The following IFNAR2 variants were observed in gnomAD, a reference collection of about 807,000 sequenced individuals.
IFNAR2 encodes interferon alpha and beta receptor subunit 2.
A neutral mutation model predicts 49.4 loss-of-function variants in IFNAR2; 30 were observed. That is an observed-to-expected ratio of 0.61 (90% CI 0.45 to 0.82). IFNAR2 has a LOEUF of 0.82. Ranked by LOEUF, IFNAR2 falls within the 40% of genes least tolerant of loss-of-function variation. The pLI is 0.00. For missense variants in IFNAR2, 600 were observed against 622.7 expected, an observed-to-expected ratio of 0.96 and a Z score of 0.39; for synonymous variants, 224 against 234.5, an observed-to-expected ratio of 0.96 and a Z score of 0.41.
chr21:33,265,588 T>TG lies in IFNAR2; in HGVS notation c.*2088_*2089insG. 2.0e-5 allele frequency: 4 copies of TG among 197,736 alleles called. No homozygotes were observed. Among genetic ancestry groups the TG allele is most frequent in the Non-Finnish European group, 3.2e-5 (3 of 93,024 alleles). The allele number at this position is 197,736 out of a possible 1,614,324, so 12.2% of individuals were successfully genotyped here. On this transcript the variant is annotated 3_prime_UTR_variant, in exon 9 of 9. Transcript: ENST00000342136. ...CTATGGCTGTGAGTGTGTGTGTGTG[T>TG]TTGTGTATTTTTTAACATTTTGTAT...
chr21:33,251,395 A>T (rs1987825769), intron 6 of IFNAR2: 1 of 188,876 alleles, frequency 5.3e-6, no homozygotes, highest in East Asian at 1.9e-4. Flanking sequence ...AGTAGTTTTA[A>T]TAGAGTTAGG....
chr21:33,237,078 G>GATGTATGTGT (rs3223272), intron 1 of IFNAR2, among the ~76,000 whole-genome samples: 11 of 147,590 alleles, frequency 7.5e-5, no homozygotes, highest in African/African-American at 2.8e-4. Context: ...GGGAGAATGG[G>GATGTATGTGT]GTGTGTGTGT....
chr21:33,248,824 T>G lies in IFNAR2; in HGVS notation c.510T>G (p.Ile170Met). 3 of 1,607,818 alleles carry G rather than the reference T, an allele frequency of 1.9e-6. No individual in the cohort carries two copies. The highest frequency in any genetic ancestry group is 2.5e-6 in the Non-Finnish European group (3 of 1,177,584). ...TACAGTTTGATTTATCTCTCGTCAT[T>G]GAAGAACAGTCAGAGGGAATTGTTA... ...EELQFDLSLV[I>M]EEQSEGIVKK... The change falls in exon 6 of 9, where the codon ATT (isoleucine) becomes ATG (methionine). Residue 170 changes from isoleucine to methionine, a missense_variant. By Grantham distance (10) the Ile-to-Met change is conservative. Coordinates refer to ENST00000342136, the MANE Select transcript of IFNAR2 (RefSeq NM_001289125.3).
chr21:33,234,209 G>GTGTGTGTT (rs1446030724), intron 1 of IFNAR2, among the ~76,000 whole-genome samples: 9 of 151,612 alleles, frequency 5.9e-5, no homozygotes, highest in Non-Finnish European at 1.0e-4. Context: ...GTGTGTGTGT[G>GTGTGTGTT]TGTGTGTGTG....
In IFNAR2 at chr21:33,230,976, CT is replaced by C. The variant is rs1225141106; in HGVS notation, c.-84+761del. On this transcript the variant is annotated intron_variant, in intron 1 of 8. Transcript: ENST00000342136. The surrounding 1 kb of genome is among the most constrained non-coding windows in gnomAD (Gnocchi z 5.5). ...TTGGTTAGCGATGGTTATATTGACT[CT>C]GAGTATTCCCACCTCCTTTCTTTTA... 6.6e-6 allele frequency among the ~76,000 whole-genome samples: 1 copy of C among 151,926 alleles called. No homozygotes were observed. The highest frequency in any genetic ancestry group is 1.5e-5 in the Non-Finnish European group (1 of 68,024).
intron 2 of IFNAR2, 22 bp from the exon 3 acceptor site, chr21:33,243,651 T>C (rs1480325150): frequency 2.4e-5 from 39 of 1,605,124 alleles, no homozygotes; most frequent in Non-Finnish European, 3.2e-5. Context: ...ATTGCCTCTC[T>C]AATGTGTTTT....
At chr21:33,233,636 A>G (rs968306498) in intron 1 of IFNAR2, among the ~76,000 whole-genome samples, 3 of 152,216 alleles carry the variant, frequency 2.0e-5, no homozygotes, top group African/African-American at 7.2e-5. Flanking sequence ...TTCCAAGGGA[A>G]AGAAACTTTT....
At chr21:33,231,465 T>G (rs1440105974) in intron 1 of IFNAR2, among the ~76,000 whole-genome samples, 1 of 152,160 alleles carries the variant, frequency 6.6e-6, no homozygotes, top group East Asian at 1.9e-4. Flanking sequence ...TATTGAAAAG[T>G]TAAAGAAAAT....
chr21:33,245,193 T>C (rs915289974), intron 4 of IFNAR2, 119 bp downstream of exon 4: 12 of 719,674 alleles, frequency 1.7e-5, no homozygotes, highest in Middle Eastern at 4.0e-4. Context: ...CCTCTCCTTC[T>C]CTCTGCGTTT....
At chr21:33,254,193 T>G (rs1988057460) in intron 7 of IFNAR2, among the ~76,000 whole-genome samples, 1 of 152,144 alleles carries the variant, frequency 6.6e-6, no homozygotes, top group Non-Finnish European at 1.5e-5. Flanking sequence ...TAAAGTAAAG[T>G]AAACCTGAAA....
chr21:33,230,114 C>T lies in IFNAR2; in HGVS notation c.-186C>T, dbSNP rs2096752698. On this transcript the variant is annotated 5_prime_UTR_variant, in exon 1 of 9. Transcript: ENST00000342136. This position sits in a 1 kb window ranked among gnomAD's most constrained non-coding sequence, Gnocchi z 5.5. ...CCCGCCGCTTCTGTCCGAGAGGCCG[C>T]CCGCGAGGCGCATCCTGACCGCGAG... is the stretch of plus-strand genomic sequence containing the variant. 3.0e-6 allele frequency: 3 copies of T among 990,236 alleles called. No homozygotes were observed. Among genetic ancestry groups the T allele is most frequent in the African/African-American group, 3.5e-5 (2 of 57,262 alleles). 61.3% of individuals were successfully genotyped at this position (990,236 alleles called of 1,614,324 possible).
intron 1 of IFNAR2, among the ~76,000 whole-genome samples, chr21:33,238,123 T>G (rs1986619218): frequency 6.6e-6 from 1 of 152,124 alleles, no homozygotes; most frequent in African/African-American, 2.4e-5. Context: ...GACCGAAAAA[T>G]GCAAGTTAGC....
chr21:33,262,549 TTA>T (rs1199057182), intron 8 of IFNAR2: 2 of 697,212 alleles, frequency 2.9e-6, no homozygotes, highest in Admixed American at 2.0e-5. Flanking sequence ...AGTTTATTTT[TTA>T]TTTTTTTAGA....
Position 33,230,197 on chromosome 21 carries a change from G to A in IFNAR2, c.-103G>A. On this transcript the variant is annotated 5_prime_UTR_variant, in exon 1 of 9. Transcript: ENST00000342136. The surrounding 1 kb of genome is among the most constrained non-coding windows in gnomAD (Gnocchi z 5.5). ...CCGAGGCTAGCATCTCTCGGGAGCC[G>A]CAAGGCGAGAGCTGCAAAGGTAACG... The A allele has an allele frequency of 9.7e-7, 1 of 1,030,796 alleles. No individual in the cohort carries two copies. The highest frequency in any genetic ancestry group is 2.9e-5 in the South Asian group (1 of 34,468). 63.9% of individuals were successfully genotyped at this position (1,030,796 alleles called of 1,614,324 possible).
intron 4 of IFNAR2, among the ~76,000 whole-genome samples, chr21:33,245,421 G>A (rs1488134844): frequency 1.3e-5 from 2 of 152,196 alleles, no homozygotes; most frequent in African/African-American, 4.8e-5. Context: ...TAAAAGTCCT[G>A]TTATCTGAGG....
intron 8 of IFNAR2, among the ~76,000 whole-genome samples, chr21:33,261,686 G>A (rs1211593901): frequency 6.6e-6 from 1 of 151,940 alleles, no homozygotes; most frequent in African/African-American, 2.4e-5. Flanking sequence ...ACCAGCCTGG[G>A]CAATATAAGG....
chr21:33,261,863 G>A (rs1988590344), intron 8 of IFNAR2, among the ~76,000 whole-genome samples: 1 of 152,130 alleles, frequency 6.6e-6, no homozygotes, highest in Non-Finnish European at 1.5e-5. Flanking sequence ...GTTACAGAGT[G>A]AGACCCTAGC....
chr21:33,239,146 T>G (rs1986716445), intron 1 of IFNAR2, among the ~76,000 whole-genome samples: 1 of 152,168 alleles, frequency 6.6e-6, no homozygotes, highest in Non-Finnish European at 1.5e-5. Context: ...TCTGTCTGCT[T>G]CTTCAGACCC....
intron 7 of IFNAR2, 95 bp from the exon 8 acceptor site, chr21:33,260,502 A>G: frequency 2.6e-6 from 3 of 1,170,600 alleles, no homozygotes; most frequent in Admixed American, 5.8e-5. Context: ...TGGTTTCTTG[A>G]TCATCTTGTA....
Sources: gnomAD v4.1 joint callset for allele counts (sites outside exome capture counted in the v4.1 genomes callset) on GRCh38, gnomAD v4.1.1 for gene constraint, Gnocchi (gnomAD v3.1) non-coding constraint, MANE v1.5 for transcripts, NCBI Gene and HGNC (gene_info 2026-07-23, HGNC 2026-07-21) for gene names.